SLCO6A1: variants seen among roughly 807,000 people sequenced by gnomAD.
The protein encoded by SLCO6A1 is cancer/testis antigen 48.
SLCO6A1 carries 65 observed loss-of-function variants against 72.7 expected under a neutral mutation model. That is an observed-to-expected ratio of 0.89 (90% CI 0.73 to 1.10). SLCO6A1 has a LOEUF of 1.10. Ranked by LOEUF, SLCO6A1 falls within the 50% of genes least tolerant of loss-of-function variation. The pLI is 0.00. For missense variants in SLCO6A1, 874 were observed against 872.6 expected, an observed-to-expected ratio of 1.00 and a Z score of -0.02; for synonymous variants, 314 against 298.2, an observed-to-expected ratio of 1.05 and a Z score of -0.55.
At chr5:102,492,615 G>T (rs1391227093) in intron 1 of SLCO6A1, among the ~76,000 whole-genome samples, 1 of 152,122 alleles carries the variant, frequency 6.6e-6, no homozygotes, top group South Asian at 2.1e-4. Context: ...AGTGCAAGGG[G>T]TCAGAGAATT....
At chr5:102,427,840 G>GTGTATATATATATATATATATATATATA (rs1748980248) in intron 7 of SLCO6A1, among the ~76,000 whole-genome samples, 6 of 102,746 alleles carry the variant, frequency 5.8e-5, no homozygotes, top group Non-Finnish European at 1.2e-4. Context: ...GTGTGTGTAT[G>GTGTATATATATATATATATATATATATA]TATACATATA....
chr5:102,390,644 A>C (rs2112519184), intron 11 of SLCO6A1, among the ~76,000 whole-genome samples: 1 of 152,276 alleles, frequency 6.6e-6, no homozygotes, highest in Admixed American at 6.5e-5. Context: ...TAGGTTAGTA[A>C]CTTCCCAAAC....
chr5:102,399,944 CTG>C (rs34032591), intron 9 of SLCO6A1, among the ~76,000 whole-genome samples: 89,474 of 149,798 alleles, frequency 0.6, 26,706 homozygotes, highest in Non-Finnish European at 0.62. Context: ...GGCAAAAAAT[CTG>C]TGTGTGTGTG....
At chr5:102,391,870 C>A (rs1168801769) in intron 10 of SLCO6A1, among the ~76,000 whole-genome samples, 1 of 151,140 alleles carries the variant, frequency 6.6e-6, no homozygotes, top group African/African-American at 2.4e-5. Context: ...GAATGAAGAT[C>A]TGTTTTTCCT....
intron 8 of SLCO6A1, among the ~76,000 whole-genome samples, chr5:102,416,197 A>C (rs562069965): frequency 6.6e-6 from 1 of 152,132 alleles, no homozygotes; most frequent in Non-Finnish European, 1.5e-5. Flanking sequence ...TAGTACTCTC[A>C]CTATTGGGTA....
intron 1 of SLCO6A1, among the ~76,000 whole-genome samples, chr5:102,493,967 A>G (rs562189775): frequency 4.9e-4 from 75 of 152,312 alleles, no homozygotes; most frequent in African/African-American, 1.8e-3. Flanking sequence ...TGGAAAAGCA[A>G]AGATCTAGAA....
At chr5:102,442,578 A>T (rs960130205) in intron 6 of SLCO6A1, among the ~76,000 whole-genome samples, 38 of 152,354 alleles carry the variant, frequency 2.5e-4, no homozygotes, top group African/African-American at 8.9e-4. Context: ...GCCTTGAATT[A>T]TCTACATGGT....
In SLCO6A1 at chr5:102,487,136, G is replaced by GA. The variant is rs1363844295; in HGVS notation, c.359-6703dup. ...TAAACTAGAACAGTTAAATCTAGAT[G>GA]AAAAAATCATACTTCACAAAATGTT... On this transcript the variant is annotated intron_variant, in intron 1 of 13. Coordinates refer to ENST00000506729, the MANE Select transcript of SLCO6A1 (RefSeq NM_173488.5). Among the ~76,000 whole-genome samples the GA allele has an allele frequency of 5.3e-5, 8 of 152,250 alleles. No homozygotes were observed. The East Asian group carries it at 7.7e-4, about 15-fold the overall frequency.
Position 102,388,748 on chromosome 5 carries a change from G to A in SLCO6A1, c.1957C>T (p.His653Tyr), listed in dbSNP as rs769893718. Residue 653 changes from histidine to tyrosine, a missense_variant, in exon 12 of 14, where the codon CAC (histidine) becomes TAC (tyrosine). Physicochemically the swap from His to Tyr is moderately conservative, Grantham distance 83. Transcript: ENST00000506729. ...CILRDVNKCG[H>Y]TGRCWIYNKT... is the part of the protein sequence containing the mutation. ...TTATATATCCAACAACGTCCTGTGT[G>A]TCCACATTTATTAACATCCCGTAAA... 6.2e-6 allele frequency: 10 copies of A among 1,607,766 alleles called. No individual in the cohort carries two copies. The highest frequency in any genetic ancestry group is 7.6e-6 in the Non-Finnish European group (9 of 1,177,674).
At chr5:102,396,198 T>C (rs9327853) in intron 10 of SLCO6A1, among the ~76,000 whole-genome samples, 98,019 of 151,666 alleles carry the variant, frequency 0.65, 31,922 homozygotes, top group African/African-American at 0.66. Context: ...GTGTTTAATC[T>C]ATCTTGAATT....
rs765409944 is a variant in SLCO6A1, at chr5:102,459,714, G to T, written c.963C>A (p.Ala321=). The T allele has an allele frequency of 6.2e-7, 1 of 1,610,368 alleles. No homozygotes were observed. Among genetic ancestry groups the T allele is most frequent in the South Asian group, 1.1e-5 (1 of 90,546 alleles). ...TTAATGTACACCATGCAACGACAGC[G>T]GCAAAAAGAAAATTAATCCACCAAG... ...LWTWWINFLF[A]AVVAWCTLIP... is the part of the protein sequence containing the mutation. Residue 321 remains alanine (A), a synonymous_variant, in exon 5 of 14, where the codon GCC becomes GCA. Coordinates refer to ENST00000506729, the MANE Select transcript of SLCO6A1 (RefSeq NM_173488.5).
chr5:102,402,485 C>T (rs990759578), intron 9 of SLCO6A1, among the ~76,000 whole-genome samples: 1 of 152,106 alleles, frequency 6.6e-6, no homozygotes, highest in Non-Finnish European at 1.5e-5. Context: ...AGTGTCTTAG[C>T]TCACTTTGTG....
intron 6 of SLCO6A1, among the ~76,000 whole-genome samples, chr5:102,457,565 C>G (rs1299521471): frequency 6.6e-6 from 1 of 152,176 alleles, no homozygotes; most frequent in Non-Finnish European, 1.5e-5. Flanking sequence ...CCATCACACA[C>G]CAGTTAGAAT....
intron 12 of SLCO6A1, among the ~76,000 whole-genome samples, chr5:102,381,137 TTAAC>T (rs1408125253): frequency 9.2e-5 from 14 of 151,870 alleles, no homozygotes; most frequent in Admixed American, 9.2e-4. Context: ...ATACAATACA[TTAAC>T]TAAAGTCACC....
Position 102,480,451 on chromosome 5 carries a change from A to G in SLCO6A1, c.359-17T>C. 3.1e-6 allele frequency: 5 copies of G among 1,588,826 alleles called. No homozygotes were observed. Among genetic ancestry groups the G allele is most frequent in the Non-Finnish European group, 4.3e-6 (5 of 1,170,692 alleles). On this transcript the variant is annotated splice_polypyrimidine_tract_variant and intron_variant, in intron 1 of 13. Transcript: ENST00000506729. ...ACACCACACCTAAAATGTAAAAAGA[A>G]AAAGAGAAAACAACGATATGCATTT...
chr5:102,456,182 T>C (rs1750703000), intron 6 of SLCO6A1, among the ~76,000 whole-genome samples: 2 of 152,158 alleles, frequency 1.3e-5, no homozygotes, highest in African/African-American at 4.8e-5. Context: ...AGCAGTCCCT[T>C]TGAAAACTGG....
Position 102,388,732 on chromosome 5 carries a change from C to T in SLCO6A1, c.1973G>A (p.Trp658Ter). 1 of 1,602,620 alleles carries T rather than the reference C, an allele frequency of 6.2e-7. No homozygotes were observed. The highest frequency in any genetic ancestry group is 8.5e-7 in the Non-Finnish European group (1 of 1,176,022). Reference protein sequence around the residue: ...VNKCGHTGRCWIYNKTKMAFL... With the variant: ...VNKCGHTGRC ...AGCCATTTTTGTCTTGTTATATATCCAACAACGTCCTGTGTGTCCACATTT... is the reference window on the plus strand; with the variant it reads ...AGCCATTTTTGTCTTGTTATATATCTAACAACGTCCTGTGTGTCCACATTT... The change falls in exon 12 of 14, where the codon TGG becomes TAG. Residue 658 changes from tryptophan to a stop codon, truncating the protein, a stop_gained. Transcript: ENST00000506729. LOFTEE classifies it high-confidence loss of function.
At chr5:102,447,271 AT>A (rs1750164331) in intron 6 of SLCO6A1, among the ~76,000 whole-genome samples, 1 of 152,126 alleles carries the variant, frequency 6.6e-6, no homozygotes, top group Non-Finnish European at 1.5e-5. Flanking sequence ...GTTTGCTAGT[AT>A]TTTTTTGAGA....
chr5:102,451,678 CTACCATGGTTCTA>C (rs1750426654), intron 6 of SLCO6A1, among the ~76,000 whole-genome samples: 1 of 152,180 alleles, frequency 6.6e-6, no homozygotes, highest in Admixed American at 6.5e-5. Context: ...CGTGGGGAGC[CTACCATGGTTCTA>C]TACCAATCCC....
Sources: gnomAD v4.1 joint callset for allele counts (sites outside exome capture counted in the v4.1 genomes callset) on GRCh38, gnomAD v4.1.1 for gene constraint, MANE v1.5 for transcripts, NCBI Gene and HGNC (gene_info 2026-07-23, HGNC 2026-07-21) for gene names.